Variants in ESR1 observed in about 807,000 individuals in gnomAD.
The protein encoded by ESR1 is estrogen receptor.
A neutral mutation model predicts 52.7 loss-of-function variants in ESR1; 12 were observed. That is an observed-to-expected ratio of 0.23 (90% CI 0.15 to 0.37). The LOEUF (loss-of-function observed/expected upper bound fraction) is 0.37. Ranked by LOEUF, ESR1 falls within the 10% of genes least tolerant of loss-of-function variation. The pLI is 1.00. For missense variants in ESR1, 584 were observed against 779.7 expected, an observed-to-expected ratio of 0.75 and a Z score of 2.99; for synonymous variants, 305 against 316.8, an observed-to-expected ratio of 0.96 and a Z score of 0.39.
At chr6:151,953,568 A>G (rs60875436) in intron 4 of ESR1, among the ~76,000 whole-genome samples, 23,533 of 151,950 alleles carry the variant, frequency 0.15, 2,040 homozygotes, top group Admixed American at 0.21. Flanking sequence ...TAAAAATACA[A>G]AAATTAGCTG....
intron 6 of ESR1, among the ~76,000 whole-genome samples, chr6:152,124,222 C>T (rs1429628359): frequency 9.9e-5 from 15 of 152,164 alleles, no homozygotes; most frequent in Non-Finnish European, 2.1e-4. Context: ...AGGAGAATCG[C>T]TTGAACCCGG....
intron 5 of ESR1, among the ~76,000 whole-genome samples, chr6:152,012,792 C>A (rs1051384301): frequency 6.6e-6 from 1 of 152,158 alleles, no homozygotes; most frequent in African/African-American, 2.4e-5. Flanking sequence ...TTGTTTCTTG[C>A]AATCCTATTT....
chr6:152,094,651 T>G lies in ESR1; in HGVS notation c.1553+83T>G, dbSNP rs1202993051. ...TATGTGACAGCTGGCCGGGAAGGACTGGTGCCTGCATATGGAGAGTGCACT... is the reference window on the plus strand; with the variant it reads ...TATGTGACAGCTGGCCGGGAAGGACGGGTGCCTGCATATGGAGAGTGCACT... On this transcript the variant is annotated intron_variant, in intron 7 of 7. Transcript: ENST00000206249. This position sits in a 1 kb window ranked among gnomAD's most constrained non-coding sequence, Gnocchi z 4.6. 2.0e-5 allele frequency: 26 copies of G among 1,289,694 alleles called. No homozygotes were observed. Among genetic ancestry groups the G allele is most frequent in the Non-Finnish European group, 2.9e-5 (26 of 911,194 alleles). 79.9% of individuals were successfully genotyped at this position (1,289,694 alleles called of 1,614,324 possible).
chr6:151,694,917 G>A (rs1049342344), intron 1 of ESR1, among the ~76,000 whole-genome samples: 3 of 152,184 alleles, frequency 2.0e-5, no homozygotes, highest in African/African-American at 7.2e-5. Context: ...AGATATGAGG[G>A]GCAGATTGGT....
chr6:151,911,068 G>A (rs557073009), intron 3 of ESR1, among the ~76,000 whole-genome samples: 4 of 152,308 alleles, frequency 2.6e-5, no homozygotes, highest in South Asian at 4.1e-4. Context: ...TGGGGCTCAG[G>A]CAGTAATGCT....
At chr6:151,726,943 G>C (rs373007640) in intron 2 of ESR1, among the ~76,000 whole-genome samples, 5 of 152,184 alleles carry the variant, frequency 3.3e-5, no homozygotes, top group African/African-American at 1.2e-4. Context: ...CCTGATCGCA[G>C]GGCAGCATTT....
At chr6:151,733,200 G>T (rs118147600) in intron 2 of ESR1, among the ~76,000 whole-genome samples, 7 of 152,302 alleles carry the variant, frequency 4.6e-5, no homozygotes, top group Non-Finnish European at 8.8e-5. Flanking sequence ...GAGGCACTGA[G>T]GGGTGAAATG....
At chr6:151,674,730 G>C (rs13208333) in intron 1 of ESR1, among the ~76,000 whole-genome samples, 1 of 152,146 alleles carries the variant, frequency 6.6e-6, no homozygotes, top group Non-Finnish European at 1.5e-5. Flanking sequence ...TCTAACTGGC[G>C]TGAGACGGTA....
rs1405613393 is a variant in ESR1 at position 151,696,470 on chromosome 6, TCAAA to T, written c.-201-5404_-201-5401del. 3.9e-4 allele frequency among the ~76,000 whole-genome samples: 48 copies of T among 123,778 alleles called. No individual in the cohort carries two copies. The East Asian group carries it at 3.9e-3, about 10-fold the overall frequency. The allele number at this position is 123,778 out of a possible 152,430, so 81.2% of individuals were successfully genotyped here. On this transcript the variant is annotated intron_variant, in intron 1 of 2. Coordinates refer to the ESR1 transcript ENST00000404742. ...CTGGGAGACATAGAGAGACTCCATC[TCAAA>T]TAAATAAATAAATAAATAAATAAAT...
At chr6:151,862,692 T>C (rs925633692) in intron 2 of ESR1, among the ~76,000 whole-genome samples, 1 of 152,180 alleles carries the variant, frequency 6.6e-6, no homozygotes, top group African/African-American at 2.4e-5. Context: ...TACCTGCTGC[T>C]TGTTCTTTGC....
At chr6:151,658,719 T>G (rs988214738) in intron 1 of ESR1, among the ~76,000 whole-genome samples, 1 of 152,186 alleles carries the variant, frequency 6.6e-6, no homozygotes, top group African/African-American at 2.4e-5. Context: ...TTCTATATTC[T>G]GGGCACTGTT....
chr6:151,813,419 TG>T (rs1779128294), intron 1 of ESR1: 1 of 152,176 alleles, frequency 6.6e-6, no homozygotes, highest in Non-Finnish European at 1.5e-5. Flanking sequence ...ATGAAGTTTT[TG>T]TCTCAGTTTG....
At chr6:151,769,722 G>A (rs1785355205) in intron 2 of ESR1, among the ~76,000 whole-genome samples, 1 of 152,182 alleles carries the variant, frequency 6.6e-6, no homozygotes. Context: ...ATGTGAAGAT[G>A]TCCAATTGGG....
chr6:151,840,213 T>A (rs1784075054), intron 1 of ESR1, among the ~76,000 whole-genome samples: 1 of 152,212 alleles, frequency 6.6e-6, no homozygotes, highest in African/African-American at 2.4e-5. Flanking sequence ...CCAAAGGCAC[T>A]AAGCTTCTAC....
chr6:151,816,951 C>A (rs1779754225), intron 1 of ESR1, among the ~76,000 whole-genome samples: 1 of 152,044 alleles, frequency 6.6e-6, no homozygotes, highest in Admixed American at 6.6e-5. Flanking sequence ...GAGTGAGGGG[C>A]ATTAAGTATT....
chr6:151,717,611 A>G (rs1395486596), intron 2 of ESR1, among the ~76,000 whole-genome samples: 1 of 152,230 alleles, frequency 6.6e-6, no homozygotes, highest in Non-Finnish European at 1.5e-5. Context: ...CAGGAAAAGG[A>G]ATAAAACTGG....
At chr6:151,816,183 A>G (rs1779606461) in intron 1 of ESR1, among the ~76,000 whole-genome samples, 1 of 152,186 alleles carries the variant, frequency 6.6e-6, no homozygotes, top group Non-Finnish European at 1.5e-5. Context: ...GCTCCCAGGA[A>G]CCTACCCTAT....
intron 1 of ESR1, among the ~76,000 whole-genome samples, chr6:151,831,308 G>A (rs887365533): frequency 6.6e-6 from 1 of 151,860 alleles, no homozygotes; most frequent in Non-Finnish European, 1.5e-5. Context: ...CCTGGCTAAT[G>A]TTTAAATTTT....
At chr6:152,124,638 A>G (rs1371906687) in intron 6 of ESR1, among the ~76,000 whole-genome samples, 1 of 152,210 alleles carries the variant, frequency 6.6e-6, no homozygotes. Context: ...TCTAGTGGTC[A>G]AACTGATTAA....
Sources: allele counts gnomAD v4.1 joint callset (sites outside exome capture counted in the v4.1 genomes callset), GRCh38; gene constraint gnomAD v4.1.1; non-coding constraint Gnocchi (gnomAD v3.1); transcripts MANE v1.5; gene names NCBI Gene and HGNC (gene_info 2026-07-23, HGNC 2026-07-21).